The following SLC36A4 variants were observed in gnomAD, a reference collection of about 807,000 sequenced individuals.
SLC36A4 encodes neutral amino acid uniporter 4.
Under a neutral mutation model 50.5 loss-of-function variants are expected in SLC36A4, and 49 were observed. That is an observed-to-expected ratio of 0.97 (90% CI 0.77 to 1.23). SLC36A4 has a LOEUF of 1.23. Among genes scored for constraint, SLC36A4 ranks in the 50% most tolerant of loss-of-function variants. SLC36A4 has a pLI of 0.00. For synonymous variants in SLC36A4, 207 were observed against 206.5 expected (o/e 1.00, Z -0.02); for missense variants, 611 against 608.4 (o/e 1.00, Z -0.05).
intron 7 of SLC36A4, chr11:93,167,018 TC>T (rs1326735754): frequency 6.6e-6 from 1 of 152,156 alleles, no homozygotes; most frequent in Admixed American, 6.6e-5. Flanking sequence ...TTTGGAAACC[TC>T]CTTTTCTGCT....
rs760503830 is a variant in SLC36A4, at chr11:93,197,812, C to A, written c.21G>T (p.Pro7=). ...CGCGCCTCGCCGCCCCGGCAGCCGC[C>A]GGCGTCGCCGCCGCTTCCATCTCTC... MEAAAT[P]AAAGAARREE... Residue 7 remains proline, a synonymous_variant, in exon 1 of 11, where the codon CCG becomes CCT. Coordinates refer to ENST00000326402, the MANE Select transcript of SLC36A4 (RefSeq NM_152313.4). 6.3e-6 allele frequency: 10 copies of A among 1,581,262 alleles called. 1 individual carries two copies. The South Asian group carries it at 1.0e-4, about 16-fold the overall frequency.
In SLC36A4 at chr11:93,147,670, AT is replaced by A. The variant is rs1859891236; in HGVS notation, c.*866del. ...AAAGTATTAAAATATAATCAAATAGATTCAACACTAAAATTAAGCTGAACAT... is the reference window on the plus strand; with the variant it reads ...AAAGTATTAAAATATAATCAAATAGATCAACACTAAAATTAAGCTGAACAT... On this transcript the variant is annotated 3_prime_UTR_variant, in exon 11 of 11. Coordinates refer to ENST00000326402, the MANE Select transcript of SLC36A4 (RefSeq NM_152313.4). 6.6e-6 allele frequency: 1 copy of A among 152,102 alleles called. No homozygotes were observed. Among genetic ancestry groups the A allele is most frequent in the African/African-American group, 2.4e-5 (1 of 41,438 alleles). 9.4% of individuals were successfully genotyped at this position (152,102 alleles called of 1,614,324 possible).
intron 10 of SLC36A4, chr11:93,152,385 A>G (rs1182743147): frequency 6.6e-6 from 1 of 152,136 alleles, no homozygotes; most frequent in East Asian, 1.9e-4. Flanking sequence ...TTTTACTTTA[A>G]TTTGGAAGGA....
intron 1 of SLC36A4, among the ~76,000 whole-genome samples, chr11:93,186,335 G>A (rs565985484): frequency 1.1e-3 from 162 of 152,076 alleles, no homozygotes; most frequent in Middle Eastern, 3.4e-3. Flanking sequence ...TCAAATTCAG[G>A]TTAACATTGA....
In SLC36A4 at chr11:93,145,289, T is replaced by C. The variant is rs928612517; in HGVS notation, c.*3248A>G. 1.3e-5 allele frequency: 2 copies of C among 152,110 alleles called. No homozygotes were observed. The highest frequency in any genetic ancestry group is 4.8e-5 in the African/African-American group (2 of 41,444). The allele number at this position is 152,110 out of a possible 1,614,324, so 9.4% of individuals were successfully genotyped here. On this transcript the variant is annotated 3_prime_UTR_variant, in exon 11 of 11. Coordinates refer to ENST00000326402, the MANE Select transcript of SLC36A4 (RefSeq NM_152313.4). ...CATACAACGCTTGTAAATATGTAAG[T>C]GCATTTTCCAGGCAAGATGCAGAAA...
intron 9 of SLC36A4, 142 bp downstream of exon 9, chr11:93,162,564 C>T (rs1860672422): frequency 1.4e-6 from 1 of 694,632 alleles, no homozygotes; most frequent in East Asian, 3.1e-5. Flanking sequence ...CCACCTCTGC[C>T]TCCCAAAGTG....
intron 7 of SLC36A4, 36 bp from the exon 8 acceptor site, chr11:93,166,052 T>C (rs963254033): frequency 6.7e-7 from 1 of 1,482,708 alleles, no homozygotes; most frequent in Non-Finnish European, 9.2e-7. Context: ...ACCAGTTACA[T>C]CTTTACTTAT....
At chr11:93,183,396 CT>C (rs1448790456) in intron 3 of SLC36A4, among the ~76,000 whole-genome samples, 3 of 151,954 alleles carry the variant, frequency 2.0e-5, no homozygotes, top group African/African-American at 7.3e-5. Context: ...TATTTATTTA[CT>C]AAAATTAAAG....
Position 93,185,796 on chromosome 11 carries a change from G to A in SLC36A4, c.74C>T (p.Pro25Leu), listed in dbSNP as rs754502540. The A allele has an allele frequency of 1.2e-6, 2 of 1,601,302 alleles. No homozygotes were observed. The highest frequency in any genetic ancestry group is 1.7e-6 in the Non-Finnish European group (2 of 1,176,480). ...ATCAAAATTCTGCTCATTTATCAAG[G>A]GCCTCATTACATCCATATCTTTAAA... is the stretch of plus-strand genomic sequence containing the variant. ...REELDMDVMR[P>L]LINEQNFDGT... Residue 25 changes from proline (P) to leucine (L), a missense_variant, in exon 2 of 11, where the codon CCC becomes CTC. By Grantham distance (98) the Pro-to-Leu change is moderately conservative. Coordinates refer to ENST00000326402, the MANE Select transcript of SLC36A4 (RefSeq NM_152313.4).
intron 6 of SLC36A4, chr11:93,170,063 A>AGTGGTT (rs1861058960): frequency 6.6e-6 from 1 of 152,074 alleles, no homozygotes; most frequent in Non-Finnish European, 1.5e-5. Context: ...TGGTTATAAA[A>AGTGGTT]ATTCTGAGGA....
intron 6 of SLC36A4, among the ~76,000 whole-genome samples, chr11:93,172,544 C>T (rs933004813): frequency 4.0e-4 from 60 of 151,276 alleles, no homozygotes; most frequent in African/African-American, 1.4e-3. Flanking sequence ...GCGCTGCACC[C>T]ACTAACTCGT....
At chr11:93,186,193 C>T (rs997597248) in intron 1 of SLC36A4, among the ~76,000 whole-genome samples, 12 of 152,082 alleles carry the variant, frequency 7.9e-5, no homozygotes, top group Non-Finnish European at 1.2e-4. Context: ...ATAGTAATCA[C>T]GTTTTTAAAT....
intron 1 of SLC36A4, among the ~76,000 whole-genome samples, chr11:93,196,167 T>C (rs907719012): frequency 6.6e-6 from 1 of 152,198 alleles, no homozygotes; most frequent in African/African-American, 2.4e-5. Context: ...AAAGAAAATG[T>C]ACATGCTGAA....
intron 9 of SLC36A4, among the ~76,000 whole-genome samples, chr11:93,157,254 G>A (rs757215286): frequency 2.0e-5 from 3 of 152,054 alleles, no homozygotes; most frequent in African/African-American, 7.2e-5. Context: ...CAGCCCTCTC[G>A]TATAGTTTAG....
chr11:93,193,027 A>T, intron 1 of SLC36A4: 1 of 397,280 alleles, frequency 2.5e-6, no homozygotes, highest in Non-Finnish European at 3.4e-6. Flanking sequence ...AGACCCTGGC[A>T]CATAAATAAG....
chr11:93,168,860 AAAC>A (rs1166733248), intron 6 of SLC36A4, among the ~76,000 whole-genome samples: 9 of 152,196 alleles, frequency 5.9e-5, no homozygotes, highest in African/African-American at 2.2e-4. Context: ...TCAGATTTCA[AAAC>A]AAATATGATT....
intron 6 of SLC36A4, among the ~76,000 whole-genome samples, chr11:93,169,354 C>T (rs1402887056): frequency 6.6e-6 from 1 of 152,002 alleles, no homozygotes; most frequent in African/African-American, 2.4e-5. Context: ...CAAACCTAAG[C>T]CTGTGACTCT....
intron 3 of SLC36A4, among the ~76,000 whole-genome samples, chr11:93,183,558 A>G (rs971093696): frequency 6.6e-6 from 1 of 152,118 alleles, no homozygotes; most frequent in African/African-American, 2.4e-5. Flanking sequence ...CAAAAAAGTT[A>G]AATATTATTT....
chr11:93,162,605 T>G, intron 9 of SLC36A4, 101 bp downstream of exon 9: 3 of 1,044,878 alleles, frequency 2.9e-6, no homozygotes, highest in Non-Finnish European at 4.0e-6. Context: ...AGTAAAAATT[T>G]TAAATGTTTA....
Sources: allele counts gnomAD v4.1 joint callset (sites outside exome capture counted in the v4.1 genomes callset), GRCh38; gene constraint gnomAD v4.1.1; transcripts MANE v1.5; gene names NCBI Gene and HGNC (gene_info 2026-07-23, HGNC 2026-07-21).